The following GRAMD1B variants were observed in gnomAD, a reference collection of about 807,000 sequenced individuals.
GRAMD1B encodes GRAM domain containing 1B, also known as protein Aster-B.
Under a neutral mutation model 99.7 loss-of-function variants are expected in GRAMD1B, and 37 were observed. The ratio of observed to expected loss-of-function variants is 0.37; its 90% CI spans 0.29 to 0.49. GRAMD1B has a LOEUF of 0.49. Among genes scored for constraint, GRAMD1B ranks in the 20% least tolerant of loss-of-function variants. The probability of loss-of-function intolerance (pLI) is 0.98; values close to 1 mark genes in which losing one functional copy is unlikely to be tolerated. For missense variants in GRAMD1B, 888 were observed against 1,009.2 expected (o/e 0.88, Z 1.63); for synonymous variants, 427 against 387.6 (o/e 1.10, Z -1.19).
upstream of GRAMD1B, among the ~76,000 whole-genome samples, chr11:123,425,887 G>A (rs532969159): frequency 1.2e-4 from 18 of 152,296 alleles, no homozygotes; most frequent in Admixed American, 3.9e-4. Context: ...GGGAGGACTC[G>A]TGAAAGAAAC....
chr11:123,536,423 T>C (rs920257782), intron 2 of GRAMD1B, among the ~76,000 whole-genome samples: 1 of 152,048 alleles, frequency 6.6e-6, no homozygotes, highest in African/African-American at 2.4e-5. Flanking sequence ...TCAAAAAATA[T>C]GTAAATAAAT....
chr11:123,592,860 T>C (rs983553466), intron 4 of GRAMD1B, among the ~76,000 whole-genome samples: 1 of 152,208 alleles, frequency 6.6e-6, no homozygotes, highest in Non-Finnish European at 1.5e-5. Flanking sequence ...ATTTCATCTG[T>C]CACCCCCGGT....
At chr11:123,503,392 A>C (rs1940092544) in intron 2 of GRAMD1B, among the ~76,000 whole-genome samples, 1 of 152,236 alleles carries the variant, frequency 6.6e-6, no homozygotes, top group African/African-American at 2.4e-5. Flanking sequence ...CACCAAGTGC[A>C]GACGGCTTGG....
chr11:123,489,113 T>C (rs974727563), intron 2 of GRAMD1B, among the ~76,000 whole-genome samples: 1 of 151,940 alleles, frequency 6.6e-6, no homozygotes, highest in African/African-American at 2.4e-5. Flanking sequence ...TGTCCATTTA[T>C]GTCCCCAGAT....
intron 4 of GRAMD1B, among the ~76,000 whole-genome samples, chr11:123,585,386 C>T (rs187687913): frequency 2.8e-4 from 42 of 152,324 alleles, no homozygotes; most frequent in Middle Eastern, 3.4e-3. Flanking sequence ...CATGTGCTCA[C>T]GAGCCCTGTG....
intron 1 of GRAMD1B, among the ~76,000 whole-genome samples, chr11:123,390,128 A>T (rs901349562): frequency 7.6e-5 from 10 of 130,960 alleles, no homozygotes; most frequent in Non-Finnish European, 1.4e-4. Flanking sequence ...TAATGTTCAC[A>T]TCAATTCATT....
intron 1 of GRAMD1B, among the ~76,000 whole-genome samples, chr11:123,363,239 T>A (rs1360879290): frequency 6.6e-6 from 1 of 152,200 alleles, no homozygotes; most frequent in Admixed American, 6.5e-5. Flanking sequence ...GCTCATTCTA[T>A]TTTTATATTT....
chr11:123,567,005 G>T (rs576563578), intron 2 of GRAMD1B, among the ~76,000 whole-genome samples: 1 of 152,334 alleles, frequency 6.6e-6, no homozygotes, highest in South Asian at 2.1e-4. Flanking sequence ...ACGTGGTAAT[G>T]ATTGCCTGGG....
chr11:123,468,150 C>G (rs1045379657), intron 1 of GRAMD1B, among the ~76,000 whole-genome samples: 1 of 152,148 alleles, frequency 6.6e-6, no homozygotes, highest in Non-Finnish European at 1.5e-5. Context: ...GTGTGAGTCA[C>G]CGCACCCAGC....
intron 3 of GRAMD1B, among the ~76,000 whole-genome samples, chr11:123,578,108 C>T (rs1039097086): frequency 2.6e-5 from 4 of 152,160 alleles, no homozygotes; most frequent in East Asian, 1.9e-4. Context: ...CCCTGAGTAC[C>T]GGGGCCCTTG....
chr11:123,440,438 A>G (rs2134258750), intron 1 of GRAMD1B, among the ~76,000 whole-genome samples: 1 of 152,256 alleles, frequency 6.6e-6, no homozygotes, highest in South Asian at 2.1e-4. Context: ...TAAACCGGGA[A>G]ACAGTGGTTG....
At chr11:123,570,260 T>C (rs1947912091) in intron 2 of GRAMD1B, among the ~76,000 whole-genome samples, 1 of 152,096 alleles carries the variant, frequency 6.6e-6, no homozygotes. Flanking sequence ...TGGTATCAGG[T>C]TAAGGCTGGG....
At chr11:123,606,934 A>T in intron 11 of GRAMD1B, 136 bp downstream of exon 11, 1 of 638,496 alleles carries the variant, frequency 1.6e-6, no homozygotes, top group South Asian at 2.0e-5. Context: ...AACAAAAGGT[A>T]CCTGTTATTA....
At chr11:123,386,000 G>T (rs1947044009) in intron 1 of GRAMD1B, among the ~76,000 whole-genome samples, 1 of 152,136 alleles carries the variant, frequency 6.6e-6, no homozygotes, top group African/African-American at 2.4e-5. Context: ...CTTCTGTCAG[G>T]CAGATACTCT....
intron 2 of GRAMD1B, among the ~76,000 whole-genome samples, chr11:123,538,251 T>C (rs1234409949): frequency 6.6e-6 from 1 of 152,154 alleles, no homozygotes; most frequent in Non-Finnish European, 1.5e-5. Flanking sequence ...TCACTCTCCA[T>C]GTGGTTCTGT....
chr11:123,533,784 A>G (rs1280446941), intron 2 of GRAMD1B, among the ~76,000 whole-genome samples: 2 of 152,208 alleles, frequency 1.3e-5, no homozygotes, highest in African/African-American at 4.8e-5. Context: ...CTAGGTACAG[A>G]TTATTCAGAT....
At chr11:123,553,093 C>T (rs1010924838) in intron 2 of GRAMD1B, among the ~76,000 whole-genome samples, 2 of 152,126 alleles carry the variant, frequency 1.3e-5, no homozygotes, top group African/African-American at 2.4e-5. Flanking sequence ...GGCTCCCACC[C>T]CCAGACATTC....
intron 1 of GRAMD1B, among the ~76,000 whole-genome samples, chr11:123,479,018 TTGG>T (rs1951445981): frequency 6.6e-6 from 1 of 152,108 alleles, no homozygotes; most frequent in Non-Finnish European, 1.5e-5. Context: ...ATAGTGAAAT[TTGG>T]TTATGTGGAG....
chr11:123,599,296 C>A (rs145130916), intron 7 of GRAMD1B: 2 of 723,004 alleles, frequency 2.8e-6, no homozygotes, highest in South Asian at 1.3e-5. Flanking sequence ...TTCCCACTGA[C>A]CTCCATATAC....
Sources: allele counts gnomAD v4.1 joint callset (sites outside exome capture counted in the v4.1 genomes callset), GRCh38; gene constraint gnomAD v4.1.1; transcripts MANE v1.5; gene names NCBI Gene and HGNC (gene_info 2026-07-23, HGNC 2026-07-21).